The following ALK variants were observed in gnomAD, a reference collection of about 807,000 sequenced individuals.
The protein encoded by ALK is ALK receptor tyrosine kinase, also known as ALK tyrosine kinase receptor.
A neutral mutation model predicts 163.1 loss-of-function variants in ALK; 74 were observed. The ratio of observed to expected loss-of-function variants is 0.45; its 90% confidence interval spans 0.38 to 0.55. The LOEUF (loss-of-function observed/expected upper bound fraction) is 0.55, where lower values mean the gene tolerates loss of function less well. Among genes scored for constraint, ALK ranks in the 20% least tolerant of loss-of-function variants. The pLI is 0.00. For missense variants in ALK, 2,063 were observed against 2,105.3 expected, an observed-to-expected ratio of 0.98 and a Z score of 0.39; for synonymous variants, 960 against 843.2, an observed-to-expected ratio of 1.14 and a Z score of -2.40.
chr2:29,919,976 A>G lies in ALK; in HGVS notation c.667+17T>C, dbSNP rs1343781387. ...AAAAACACTAAATCCCGGCACACTC[A>G]GGCGGGAGCTGCTCACCAGTCCCGA... On this transcript the variant is annotated intron_variant, in intron 1 of 28. Coordinates refer to ENST00000389048, the MANE Select transcript of ALK (RefSeq NM_004304.5). The G allele has an allele frequency of 1.2e-6, 2 of 1,610,972 alleles. No individual in the cohort carries two copies. The highest frequency in any genetic ancestry group is 1.7e-6 in the Non-Finnish European group (2 of 1,177,656).
intron 1 of ALK, among the ~76,000 whole-genome samples, chr2:29,902,576 G>T (rs1011290007): frequency 6.6e-6 from 1 of 152,120 alleles, no homozygotes; most frequent in South Asian, 2.1e-4. Context: ...CAAGGTCCTG[G>T]CCCCATCCTG....
At chr2:29,229,547 A>G (rs1474013234) in intron 15 of ALK, among the ~76,000 whole-genome samples, 2 of 152,198 alleles carry the variant, frequency 1.3e-5, no homozygotes, top group Non-Finnish European at 1.5e-5. Flanking sequence ...AGTTCCTTGC[A>G]GGAATCCTGG....
At chr2:29,233,838 C>A in intron 13 of ALK, 142 bp from the exon 14 acceptor site, 1 of 1,016,350 alleles carries the variant, frequency 9.8e-7, no homozygotes, top group South Asian at 1.4e-5. Context: ...GAAAAATATA[C>A]CAATAACTGT....
chr2:29,361,060 GT>G (rs1228322460), intron 5 of ALK, among the ~76,000 whole-genome samples: 1 of 152,228 alleles, frequency 6.6e-6, no homozygotes, highest in Admixed American at 6.5e-5. Flanking sequence ...CAGCAGCAAA[GT>G]CCCCCTGGAT....
At chr2:29,322,933 G>A (rs950845361) in intron 6 of ALK, among the ~76,000 whole-genome samples, 4 of 152,244 alleles carry the variant, frequency 2.6e-5, no homozygotes, top group African/African-American at 4.8e-5. Context: ...AGGCCGGCCT[G>A]AGGTGGGAGA....
chr2:29,287,816 G>A (rs1665900169), intron 9 of ALK, among the ~76,000 whole-genome samples: 2 of 151,762 alleles, frequency 1.3e-5, no homozygotes, highest in Non-Finnish European at 2.9e-5. Flanking sequence ...GGAAGGAAAA[G>A]GGTGGAAGGG....
intron 1 of ALK, among the ~76,000 whole-genome samples, chr2:29,911,994 AATT>A (rs1316989375): frequency 6.6e-6 from 1 of 152,216 alleles, no homozygotes; most frequent in Non-Finnish European, 1.5e-5. Flanking sequence ...TAAAGTAAAT[AATT>A]ATATCAGAAT....
At chr2:29,483,267 G>A (rs1671705513) in intron 4 of ALK, among the ~76,000 whole-genome samples, 1 of 152,174 alleles carries the variant, frequency 6.6e-6, no homozygotes, top group African/African-American at 2.4e-5. Context: ...TGCTTGAGGA[G>A]CTTTCAAAAA....
rs116488050 is a variant in ALK at position 29,549,173 on chromosome 2, C to T, written c.953-17057G>A. On this transcript the variant is annotated intron_variant, in intron 3 of 28. Coordinates refer to ENST00000389048, the MANE Select transcript of ALK (RefSeq NM_004304.5). ...ACACACACACACACGCACACACACA[C>T]GGACACACACATGCACAGGTGTATG... Among the ~76,000 whole-genome samples the T allele has an allele frequency of 4.1e-3, 617 of 151,986 alleles. 5 individuals are homozygous for T. The highest frequency in any genetic ancestry group is 0.014 in the African/African-American group (582 of 41,448).
rs201914596 is a variant in ALK, at chr2:29,538,670, AT to A, written c.953-6555del. On this transcript the variant is annotated intron_variant, in intron 3 of 28. Coordinates refer to ENST00000389048, the MANE Select transcript of ALK (RefSeq NM_004304.5). ...ATCAAATAGTACAGAATTGCTTATA[AT>A]TTTTTTTAAAACAGCCTCTAACCTC... is the stretch of plus-strand genomic sequence containing the variant. Among the ~76,000 whole-genome samples, 3 of 152,118 alleles carry A rather than the reference AT, an allele frequency of 2.0e-5. No individual in the cohort carries two copies. In the South Asian group the frequency reaches 6.2e-4, roughly 32 times the overall value.
chr2:29,521,915 G>C (rs995904864), intron 4 of ALK, among the ~76,000 whole-genome samples: 1 of 152,166 alleles, frequency 6.6e-6, no homozygotes, highest in Non-Finnish European at 1.5e-5. Context: ...TATGACCTTC[G>C]GCAGTGCCAG....
chr2:29,638,255 A>G (rs4432407), intron 3 of ALK, among the ~76,000 whole-genome samples: 97,223 of 152,126 alleles, frequency 0.64, 32,022 homozygotes, highest in Middle Eastern at 0.75. Context: ...CTACCACACC[A>G]AGTTATTGTG....
At chr2:29,677,556 T>G (rs1015247111) in intron 3 of ALK, among the ~76,000 whole-genome samples, 2 of 152,038 alleles carry the variant, frequency 1.3e-5, no homozygotes, top group African/African-American at 2.4e-5. Context: ...GCTTATGTAC[T>G]TTATCCTATT....
chr2:29,308,896 C>G (rs1666618174), intron 8 of ALK, among the ~76,000 whole-genome samples: 1 of 146,132 alleles, frequency 6.8e-6, no homozygotes, highest in Non-Finnish European at 1.5e-5. Flanking sequence ...AAGTTTCTGT[C>G]TGGTTTTTTT....
chr2:29,752,389 G>T (rs1170956260), intron 1 of ALK, among the ~76,000 whole-genome samples: 2 of 132,620 alleles, frequency 1.5e-5, no homozygotes, highest in African/African-American at 5.8e-5. Flanking sequence ...TCGCTCTGTC[G>T]CCCAGGCTGG....
intron 4 of ALK, among the ~76,000 whole-genome samples, chr2:29,431,950 G>GTCCCA (rs1024710252): frequency 5.9e-5 from 9 of 151,888 alleles, no homozygotes; most frequent in Admixed American, 2.6e-4. Context: ...GTCCAGTCCC[G>GTCCCA]TCCCATCCCA....
At chr2:29,552,509 A>G (rs988803625) in intron 3 of ALK, among the ~76,000 whole-genome samples, 19 of 152,204 alleles carry the variant, frequency 1.2e-4, no homozygotes, top group African/African-American at 4.6e-4. Context: ...ATCCTCACCA[A>G]TATTTGTTGT....
intron 1 of ALK, among the ~76,000 whole-genome samples, chr2:29,776,980 C>A (rs1175433006): frequency 1.3e-5 from 2 of 152,038 alleles, no homozygotes; most frequent in Non-Finnish European, 2.9e-5. Context: ...AGGGTTCTGA[C>A]CCCCAATCTA....
chr2:29,395,737 A>C (rs191184007), intron 4 of ALK, among the ~76,000 whole-genome samples: 43 of 152,324 alleles, frequency 2.8e-4, no homozygotes, highest in Admixed American at 2.1e-3. Flanking sequence ...CTAGTTCCAG[A>C]GGGTCCTGCC....
Sources: allele counts gnomAD v4.1 joint callset (sites outside exome capture counted in the v4.1 genomes callset), GRCh38; gene constraint gnomAD v4.1.1; transcripts MANE v1.5; gene names NCBI Gene and HGNC (gene_info 2026-07-23, HGNC 2026-07-21).